MKLN1: variants seen among roughly 807,000 people sequenced by gnomAD.
MKLN1 encodes the protein muskelin.
A neutral mutation model predicts 99.0 loss-of-function variants in MKLN1; 18 were observed. The ratio of observed to expected loss-of-function variants is 0.18; its 90% CI spans 0.13 to 0.27. The LOEUF is 0.27. Ranked by LOEUF, MKLN1 falls within the 10% of genes least tolerant of loss-of-function variation. The pLI is 1.00. For missense variants in MKLN1, 621 were observed against 875.9 expected (o/e 0.71, Z 3.67); for synonymous variants, 288 against 293.2 (o/e 0.98, Z 0.18).
At chr7:131,135,988 G>A (rs577797744) in intron 1 of MKLN1, among the ~76,000 whole-genome samples, 2 of 152,270 alleles carry the variant, frequency 1.3e-5, no homozygotes, top group East Asian at 3.9e-4. Context: ...AAGTGACAAG[G>A]GAATTCAGGT....
At chr7:131,220,381 G>T (rs1797043209) in intron 3 of MKLN1, among the ~76,000 whole-genome samples, 1 of 152,058 alleles carries the variant, frequency 6.6e-6, no homozygotes, top group Admixed American at 6.6e-5. Context: ...GTATCTCATT[G>T]GGAAGCTGGA....
chr7:131,478,823 A>G lies in MKLN1; in HGVS notation c.2086+146A>G, dbSNP rs777374184. The stretch of plus-strand genomic sequence containing the variant: ...TTTCAAGGTATCATGCAAAATTTCT[A>G]ATAACCTGCTACAAGGTTGCTTTGA... On this transcript the variant is annotated intron_variant, in intron 17 of 17. Transcript: ENST00000352689. 6 of 952,564 alleles carry G rather than the reference A, an allele frequency of 6.3e-6. No individual in the cohort carries two copies. In the African/African-American group the frequency reaches 8.1e-5, roughly 13 times the overall value. 59.0% of individuals were successfully genotyped at this position (952,564 alleles called of 1,614,324 possible).
intron 6 of MKLN1, among the ~76,000 whole-genome samples, chr7:131,403,870 TGA>T (rs371626957): frequency 0.016 from 2,476 of 152,194 alleles, 58 homozygotes; most frequent in African/African-American, 0.056. Flanking sequence ...ATTACTGAAA[TGA>T]GAGAGAGACA....
intron 2 of MKLN1, among the ~76,000 whole-genome samples, chr7:131,163,043 A>G (rs1004965015): frequency 6.6e-6 from 1 of 152,218 alleles, no homozygotes; most frequent in African/African-American, 2.4e-5. Context: ...TGGGTGAGGA[A>G]ATTGAAGCTT....
In MKLN1 at chr7:131,465,677, T is replaced by C. The variant is rs202081224; in HGVS notation, c.1789-599T>C. The stretch of plus-strand genomic sequence containing the variant: ...CCTCAGCCTCCCAGGTAGCTGGGAC[T>C]ACAGGCGCCCGCCACCACGCCCGGC... On this transcript the variant is annotated intron_variant, in intron 14 of 17. Transcript: ENST00000352689. Among the ~76,000 whole-genome samples, 10 of 152,216 alleles carry C rather than the reference T, an allele frequency of 6.6e-5. No individual in the cohort carries two copies. The East Asian group carries it at 1.7e-3, about 26-fold the overall frequency.
intron 8 of MKLN1, among the ~76,000 whole-genome samples, chr7:131,426,079 A>G (rs1353621675): frequency 6.6e-6 from 1 of 152,214 alleles, no homozygotes; most frequent in African/African-American, 2.4e-5. Flanking sequence ...TTTCATGGAT[A>G]GGAATGACAT....
At chr7:131,477,021 C>T (rs1796986727) in intron 16 of MKLN1, among the ~76,000 whole-genome samples, 1 of 152,246 alleles carries the variant, frequency 6.6e-6, no homozygotes, top group Non-Finnish European at 1.5e-5. Context: ...AACTGGATAT[C>T]TCAAACCTTT....
chr7:131,336,465 A>G (rs2116710342), intron 1 of MKLN1, among the ~76,000 whole-genome samples: 1 of 151,790 alleles, frequency 6.6e-6, no homozygotes, highest in East Asian at 1.9e-4. Context: ...CTGTCATTTT[A>G]TTGTTTTCTG....
chr7:131,388,171 AC>A (rs1794086996), intron 3 of MKLN1, among the ~76,000 whole-genome samples: 3 of 150,816 alleles, frequency 2.0e-5, no homozygotes, highest in Admixed American at 2.0e-4. Context: ...TGTCTCAAAA[AC>A]AAAAACAAAA....
chr7:131,360,780 A>G (rs1310123221), intron 1 of MKLN1, among the ~76,000 whole-genome samples: 5 of 152,168 alleles, frequency 3.3e-5, no homozygotes, highest in East Asian at 1.9e-4. Flanking sequence ...TGTAACCTAT[A>G]TAGCTGTTCT....
At chr7:131,217,793 T>C (rs1054205337) in intron 3 of MKLN1, among the ~76,000 whole-genome samples, 1 of 152,350 alleles carries the variant, frequency 6.6e-6, no homozygotes, top group Admixed American at 6.5e-5. Flanking sequence ...AGCAGCATTA[T>C]GCACAATAGC....
chr7:131,328,019 C>G, intron 1 of MKLN1, 22 bp downstream of exon 1: 1 of 1,612,742 alleles, frequency 6.2e-7, no homozygotes, highest in Non-Finnish European at 8.5e-7. Context: ...GCCTTGAGCT[C>G]GTGCTGCCCC....
chr7:131,456,026 A>C (rs1364126419), intron 12 of MKLN1, among the ~76,000 whole-genome samples: 1 of 145,414 alleles, frequency 6.9e-6, no homozygotes, highest in African/African-American at 2.6e-5. Flanking sequence ...AGCCTGAGTG[A>C]CAGAGTGAGA....
In MKLN1 at chr7:131,191,147, CCG is replaced by C. The variant is rs1563246681; in HGVS notation, c.-296-11709_-296-11708del. On this transcript the variant is annotated intron_variant, in intron 2 of 7. Transcript: ENST00000416992. ...CCTAAGGGCAGCTGGAGGTGAGCCC[CCG>C]TGGGGTTGTTTGCTCAGATTACAAA... Among the ~76,000 whole-genome samples, 3 of 152,286 alleles carry C rather than the reference CCG, an allele frequency of 2.0e-5. No individual in the cohort carries two copies. The South Asian group carries it at 6.2e-4, about 32-fold the overall frequency.
chr7:131,436,784 A>G (rs1376342165), intron 9 of MKLN1, among the ~76,000 whole-genome samples: 1 of 152,092 alleles, frequency 6.6e-6, no homozygotes, highest in Non-Finnish European at 1.5e-5. Context: ...ATACTACAAT[A>G]TTTTTTATGT....
At chr7:131,234,024 G>C (rs1797280240) in intron 3 of MKLN1, among the ~76,000 whole-genome samples, 2 of 151,990 alleles carry the variant, frequency 1.3e-5, no homozygotes, top group South Asian at 4.1e-4. Context: ...TTGTCCCCCA[G>C]GCTAGAGTGC....
intron 1 of MKLN1, among the ~76,000 whole-genome samples, chr7:131,341,461 G>A (rs991583911): frequency 5.9e-5 from 9 of 152,054 alleles, no homozygotes; most frequent in Non-Finnish European, 1.0e-4. Flanking sequence ...TTTGTGATTG[G>A]CTTCCATTTA....
intron 15 of MKLN1, among the ~76,000 whole-genome samples, chr7:131,467,106 CT>C (rs1045430803): frequency 2.6e-5 from 4 of 152,154 alleles, no homozygotes; most frequent in African/African-American, 7.2e-5. Flanking sequence ...AATCCCAGCA[CT>C]TTGGGAGGCA....
chr7:131,226,024 T>G (rs1335037583), intron 3 of MKLN1, among the ~76,000 whole-genome samples: 1 of 138,728 alleles, frequency 7.2e-6, no homozygotes, highest in East Asian at 2.1e-4. Flanking sequence ...CCCGCCTGCC[T>G]TCCCCCCTCC....
Sources: gnomAD v4.1 joint callset for allele counts (sites outside exome capture counted in the v4.1 genomes callset) on GRCh38, gnomAD v4.1.1 for gene constraint, MANE v1.5 for transcripts, NCBI Gene and HGNC (gene_info 2026-07-23, HGNC 2026-07-21) for gene names.